VWA3A: variants seen among roughly 807,000 people sequenced by gnomAD.
VWA3A encodes von Willebrand factor A domain-containing protein 3A.
In VWA3A, 134 loss-of-function variants were observed where a neutral mutation model predicts 160.4. The observed-to-expected ratio is 0.84, with a 90% CI of 0.73 to 0.96. The LOEUF is 0.96. VWA3A is among the 40% of genes least tolerant of loss of function. The pLI is 0.00. For synonymous variants in VWA3A, 476 were observed against 543.4 expected, an observed-to-expected ratio of 0.88 and a Z score of 1.72; for missense variants, 1,310 against 1,447.9, an observed-to-expected ratio of 0.90 and a Z score of 1.55.
chr16:22,097,662 G>T lies in VWA3A; in HGVS notation c.192G>T (p.Leu64Phe), dbSNP rs2045347147. The stretch of plus-strand genomic sequence containing the variant: ...GGCAAAATTCGGACAATGGATTATT[G>T]GTTACACATGTTAACCAGACACAGG... ...GLGQNSDNGL[L>F]VTHVNQTQDL... Residue 64 changes from leucine (L) to phenylalanine (F), a missense_variant, in exon 3 of 34, where the codon TTG (leucine) becomes TTT (phenylalanine). Physicochemically the swap from Leu to Phe is conservative, Grantham distance 22. Coordinates refer to ENST00000389398, the MANE Select transcript of VWA3A (RefSeq NM_173615.5). The T allele has an allele frequency of 6.4e-7, 1 of 1,551,544 alleles. No homozygotes were observed. Among genetic ancestry groups the T allele is most frequent in the African/African-American group, 1.4e-5 (1 of 73,020 alleles).
intron 17 of VWA3A, among the ~76,000 whole-genome samples, chr16:22,127,943 A>G (rs1444998547): frequency 1.3e-5 from 2 of 152,180 alleles, no homozygotes; most frequent in East Asian, 3.9e-4. Flanking sequence ...TTCATGGAGC[A>G]AGTGCCCCTT....
At chr16:22,100,089 G>T in intron 3 of VWA3A, 105 bp from the exon 4 acceptor site, 1 of 1,267,702 alleles carries the variant, frequency 7.9e-7, no homozygotes, top group Non-Finnish European at 1.1e-6. Context: ...AAAAAAAAAA[G>T]ATAGGGTCAG....
Position 22,117,092 on chromosome 16 carries a change from C to A in VWA3A, c.925-19C>A. ...TGGTGTTGCCCTAGTGAGGCCTGAC[C>A]CTGGCCTCATCCCTGCAGGCTGTCC... On this transcript the variant is annotated intron_variant, in intron 10 of 33. Coordinates refer to ENST00000389398, the MANE Select transcript of VWA3A (RefSeq NM_173615.5). 4 of 1,570,522 alleles carry A rather than the reference C, an allele frequency of 2.5e-6. No individual in the cohort carries two copies. The highest frequency in any genetic ancestry group is 3.5e-6 in the Non-Finnish European group (4 of 1,157,358).
In VWA3A at chr16:22,156,540, C is replaced by T. The variant is rs992698100; in HGVS notation, c.*523C>T. 4.6e-5 allele frequency: 7 copies of T among 152,398 alleles called. No individual in the cohort carries two copies. The highest frequency in any genetic ancestry group is 2.0e-4 in the Admixed American group (3 of 15,278). The allele number at this position is 152,398 out of a possible 1,614,324, so 9.4% of individuals were successfully genotyped here. On this transcript the variant is annotated 3_prime_UTR_variant, in exon 34 of 34. Transcript: ENST00000389398. The stretch of plus-strand genomic sequence containing the variant: ...TCTTCTCCTTGATGGTGAGCTCCTT[C>T]GGGATGAGACTGGTGTCCCAGGATC...
intron 17 of VWA3A, among the ~76,000 whole-genome samples, chr16:22,129,388 CAAAAAAA>C (rs1193879527): frequency 1.0e-5 from 1 of 99,386 alleles, no homozygotes; most frequent in Admixed American, 1.1e-4. Context: ...GACTCCATCT[CAAAAAAA>C]AAAAAAAAAA....
chr16:22,139,927 A>C (rs1406677834), intron 22 of VWA3A, among the ~76,000 whole-genome samples: 3 of 152,084 alleles, frequency 2.0e-5, no homozygotes, highest in African/African-American at 7.2e-5. Context: ...ATGCACACAC[A>C]TACATATACA....
In VWA3A at chr16:22,096,497, C is replaced by T. The variant is rs144163563; in HGVS notation, c.15-362C>T. 9.0e-4 allele frequency among the ~76,000 whole-genome samples: 137 copies of T among 152,262 alleles called. 3 individuals carry two copies. In the East Asian group the frequency reaches 0.023, roughly 26 times the overall value. ...AATGGCCGGGCGTGGTGACTCACAT[C>T]TCTAATCCCAGCCTAGGTGGGAGGA... is the stretch of plus-strand genomic sequence containing the variant. On this transcript the variant is annotated intron_variant, in intron 1 of 33. Transcript: ENST00000389398.
intron 8 of VWA3A, 150 bp from the exon 9 acceptor site, chr16:22,115,197 G>A (rs2045612091): frequency 6.0e-6 from 5 of 838,614 alleles, no homozygotes; most frequent in African/African-American, 1.8e-5. Context: ...GATCGCTTGG[G>A]CCCAGGAGTT....
chr16:22,117,262 A>G (rs546758536), intron 11 of VWA3A, 86 bp downstream of exon 11: 24 of 1,362,914 alleles, frequency 1.8e-5, no homozygotes, highest in East Asian at 1.5e-4. Flanking sequence ...GGCCAGGACC[A>G]TACTATATAC....
intron 28 of VWA3A, among the ~76,000 whole-genome samples, 186 bp downstream of exon 28, chr16:22,148,492 C>T (rs1007195284): frequency 6.6e-6 from 1 of 152,194 alleles, no homozygotes; most frequent in East Asian, 1.9e-4. Flanking sequence ...TTTTAGAGGC[C>T]GGGTATGGTG....
intron 1 of VWA3A, 66 bp from the exon 2 acceptor site, chr16:22,096,793 T>C (rs1228371736): frequency 9.6e-7 from 1 of 1,040,410 alleles, no homozygotes; most frequent in Non-Finnish European, 1.4e-6. Flanking sequence ...TGAATATAGA[T>C]ACCCCCCAAA....
Position 22,155,933 on chromosome 16 carries a change from G to C in VWA3A, c.*14+17G>C. 2 of 1,612,762 alleles carry C rather than the reference G, an allele frequency of 1.2e-6. No individual in the cohort carries two copies. The highest frequency in any genetic ancestry group is 1.7e-6 in the Non-Finnish European group (2 of 1,178,942). On this transcript the variant is annotated intron_variant, in intron 33 of 33. Transcript: ENST00000389398. ...TGTTCTCAGGTAAGGGGAGGGGCTA[G>C]ACCCCATACTACCTGAGTGTGCACT...
At chr16:22,136,949 C>T (rs2046055521) in intron 21 of VWA3A, among the ~76,000 whole-genome samples, 1 of 151,784 alleles carries the variant, frequency 6.6e-6, no homozygotes, top group African/African-American at 2.4e-5. Flanking sequence ...TGGTGCGCAC[C>T]TGTAATCCCA....
chr16:22,140,625 T>G (rs1406950026), intron 23 of VWA3A, among the ~76,000 whole-genome samples: 1 of 151,234 alleles, frequency 6.6e-6, no homozygotes, highest in Non-Finnish European at 1.5e-5. Context: ...TTTTTTTTTT[T>G]TTTGAGACAG....
chr16:22,142,390 A>G (rs1236638889), intron 24 of VWA3A, among the ~76,000 whole-genome samples: 1 of 152,160 alleles, frequency 6.6e-6, no homozygotes, highest in Non-Finnish European at 1.5e-5. Context: ...GGGAGCTGGC[A>G]TGTGCAGAGA....
At chr16:22,140,027 TGAG>T (rs2046114963) in intron 22 of VWA3A, 124 bp from the exon 23 acceptor site, 1 of 846,408 alleles carries the variant, frequency 1.2e-6, no homozygotes, top group Admixed American at 2.1e-5. Flanking sequence ...CAAACCTGTC[TGAG>T]GAGTCCCCTC....
chr16:22,115,840 A>AGGAAGGAG (rs2045622651), intron 9 of VWA3A, among the ~76,000 whole-genome samples: 1 of 2,062 alleles, frequency 4.8e-4, no homozygotes, highest in Non-Finnish European at 1.0e-3. Context: ...CAGGGAAGGA[A>AGGAAGGAG]GGAAGGAAGG....
intron 17 of VWA3A, among the ~76,000 whole-genome samples, chr16:22,126,951 ATCAG>A (rs2045860668): frequency 3.9e-5 from 2 of 51,690 alleles, no homozygotes. Context: ...TACAACAAAG[ATCAG>A]AGAGGTTTTG....
chr16:22,135,872 C>G (rs928394026), intron 21 of VWA3A, among the ~76,000 whole-genome samples: 1 of 152,156 alleles, frequency 6.6e-6, no homozygotes, highest in Middle Eastern at 3.2e-3. Flanking sequence ...TCACTGCAAC[C>G]TCTGCCTCCT....
Sources: allele counts gnomAD v4.1 joint callset (sites outside exome capture counted in the v4.1 genomes callset), GRCh38; gene constraint gnomAD v4.1.1; transcripts MANE v1.5; gene names NCBI Gene and HGNC (gene_info 2026-07-23, HGNC 2026-07-21).